RYR2: variants seen among roughly 807,000 people sequenced by gnomAD.
RYR2 encodes the protein ryanodine receptor 2.
A neutral mutation model predicts 601.1 loss-of-function variants in RYR2; 227 were observed. The ratio of observed to expected loss-of-function variants is 0.38; its 90% CI spans 0.34 to 0.42. The LOEUF (loss-of-function observed/expected upper bound fraction) is 0.42. Ranked by LOEUF, RYR2 falls within the 10% of genes least tolerant of loss-of-function variation. The pLI, the probability that RYR2 is intolerant of heterozygous loss-of-function variation, is 1.00. For missense variants in RYR2, 4,646 were observed against 6,156.5 expected (o/e 0.75, Z 8.21); for synonymous variants, 2,223 against 2,175.1 (o/e 1.02, Z -0.61).
intron 1 of RYR2, among the ~76,000 whole-genome samples, chr1:237,127,456 G>T (rs1018210848): frequency 1.3e-5 from 2 of 148,958 alleles, no homozygotes; most frequent in African/African-American, 2.5e-5. Context: ...GGCTGGCCGG[G>T]CAGGGGGCTG....
At chr1:237,553,163 A>G (rs143887162) in intron 27 of RYR2, among the ~76,000 whole-genome samples, 18 of 152,082 alleles carry the variant, frequency 1.2e-4, no homozygotes, top group African/African-American at 3.9e-4. Context: ...AAACAAAAAT[A>G]TTGTCTCTTA....
chr1:237,153,397 C>T (rs1264466077), intron 1 of RYR2, among the ~76,000 whole-genome samples: 1 of 152,104 alleles, frequency 6.6e-6, no homozygotes, highest in Non-Finnish European at 1.5e-5. Context: ...TTAACTGAAA[C>T]CTAAACTGTT....
At chr1:237,739,462 T>A (rs1691427174) in intron 79 of RYR2, among the ~76,000 whole-genome samples, 1 of 152,188 alleles carries the variant, frequency 6.6e-6, no homozygotes, top group Non-Finnish European at 1.5e-5. Context: ...TTTACCAATT[T>A]GAATAAGGTA....
chr1:237,573,727 G>A (rs1304619502), intron 29 of RYR2, among the ~76,000 whole-genome samples: 1 of 151,530 alleles, frequency 6.6e-6, no homozygotes, highest in Non-Finnish European at 1.5e-5. Flanking sequence ...CAGGAGAATT[G>A]CTTGAACCTG....
chr1:237,548,459 G>T lies in RYR2; in HGVS notation c.2935G>T (p.Ala979Ser), dbSNP rs202015519. 1.4e-4 allele frequency: 228 copies of T among 1,613,942 alleles called. 4 individuals are homozygous for T. The African/African-American group carries it at 2.4e-3, about 17-fold the overall frequency. ...CCAGCTGACAAGTGGATACAAGCCT[G>T]CCCCTATGGACCTGAGCTTTATCAA... ...NYQLTSGYKP[A>S]PMDLSFIKLT... The change falls in exon 26 of 105, where the codon GCC (alanine) becomes TCC (serine). Residue 979 changes from alanine to serine, a missense_variant. Transcript: ENST00000366574.
At position 237,727,190 on chromosome 1, in the gene RYR2, A is replaced by C; in HGVS notation, c.10829A>C (p.Asn3610Thr). 6.6e-7 allele frequency: 1 copy of C among 1,520,042 alleles called. No homozygotes were observed. 94.2% of individuals were successfully genotyped at this position (1,520,042 alleles called of 1,614,324 possible). Reference protein sequence around the residue: ...VACFRMAPLYNLPRHRAVNLF... With the variant: ...VACFRMAPLYTLPRHRAVNLF... ...TGCTTCCGGATGGCCCCCTTATATA[A>C]TCTGCCAAGGTCGGAATTACTTTAT... Residue 3610 changes from asparagine to threonine, a missense_variant, in exon 76 of 105, where the codon AAT (asparagine) becomes ACT (threonine). This residue lies in a region of RYR2 where 1,497 missense variants were observed against 1,842.6 expected (regional missense o/e 0.81). Transcript: ENST00000366574.
intron 1 of RYR2, among the ~76,000 whole-genome samples, chr1:237,135,766 T>C (rs1234575629): frequency 3.9e-5 from 6 of 152,240 alleles, no homozygotes; most frequent in Non-Finnish European, 5.9e-5. Context: ...TTGTCTTTTG[T>C]ACAGCTTTTG....
chr1:237,100,403 C>CTG (rs985988032), intron 1 of RYR2, among the ~76,000 whole-genome samples: 2 of 151,170 alleles, frequency 1.3e-5, no homozygotes, highest in Non-Finnish European at 3.0e-5. Flanking sequence ...CTCTCTCTCT[C>CTG]TCTCTCAGAG....
chr1:237,647,856 C>T (rs757825525), intron 48 of RYR2, among the ~76,000 whole-genome samples: 6 of 152,206 alleles, frequency 3.9e-5, no homozygotes, highest in Non-Finnish European at 7.3e-5. Context: ...AAGGAATTCA[C>T]TAATCTCTAT....
chr1:237,323,376 G>A (rs918475334), intron 2 of RYR2, among the ~76,000 whole-genome samples: 3 of 152,064 alleles, frequency 2.0e-5, no homozygotes, highest in African/African-American at 7.2e-5. Context: ...AAAGTTCCAG[G>A]TAATTGTATG....
intron 4 of RYR2, 79 bp from the exon 5 acceptor site, chr1:237,364,279 T>C: frequency 1.5e-6 from 2 of 1,314,944 alleles, no homozygotes; most frequent in South Asian, 2.7e-5. Context: ...GGAGTCTTTA[T>C]AAATAAGAGA....
intron 1 of RYR2, among the ~76,000 whole-genome samples, chr1:237,134,295 T>G (rs190169970): frequency 6.6e-6 from 1 of 152,222 alleles, no homozygotes; most frequent in Admixed American, 6.5e-5. Context: ...TTTTAATCAG[T>G]GTATTTGTCC....
intron 1 of RYR2, among the ~76,000 whole-genome samples, chr1:237,064,751 C>CTTTTTT (rs551797601): frequency 7.3e-5 from 8 of 109,994 alleles, no homozygotes; most frequent in African/African-American, 2.4e-4. Flanking sequence ...TAGAACCTGT[C>CTTTTTT]TTTTTTTTTT....
At position 237,708,910 on chromosome 1, in the gene RYR2, T is replaced by C. The variant is rs371965471; in HGVS notation, c.9954T>C (p.His3318=). Residue 3318 remains histidine (H), a synonymous_variant, in exon 69 of 105, where the codon CAT becomes CAC. Transcript: ENST00000366574. The part of the protein sequence containing the change: ...NKVKPQLLKT[H]FLPLMEKLKK... ...TGAAACCTCAGCTCTTGAAAACTCA[T>C]TTCTTGCCGTTAATGGAGAAACTCA... 1.2e-6 allele frequency: 2 copies of C among 1,612,562 alleles called. No homozygotes were observed. Among genetic ancestry groups the C allele is most frequent in the African/African-American group, 2.7e-5 (2 of 75,018 alleles).
At chr1:237,242,724 G>A (rs1686336936) in intron 1 of RYR2, among the ~76,000 whole-genome samples, 1 of 152,098 alleles carries the variant, frequency 6.6e-6, no homozygotes, top group Non-Finnish European at 1.5e-5. Flanking sequence ...ACAGAAAATG[G>A]CCTTCTTTCA....
chr1:237,572,934 T>C (rs547513585), intron 29 of RYR2, among the ~76,000 whole-genome samples: 1 of 152,156 alleles, frequency 6.6e-6, no homozygotes, highest in African/African-American at 2.4e-5. Context: ...GGAGCTAGCA[T>C]TGAGGTAGCT....
chr1:237,509,257 C>G (rs972672241), intron 23 of RYR2, among the ~76,000 whole-genome samples: 16 of 152,148 alleles, frequency 1.1e-4, no homozygotes. Context: ...GTATGATTTG[C>G]AGTCTGCTTC....
chr1:237,268,577 T>C (rs978804607), intron 1 of RYR2, among the ~76,000 whole-genome samples: 13 of 152,174 alleles, frequency 8.5e-5, no homozygotes, highest in Admixed American at 7.9e-4. Context: ...GTTAAAAATA[T>C]TGGGCTTTGC....
At position 237,655,773 on chromosome 1, in the gene RYR2, A is replaced by T. The variant is rs775602087; in HGVS notation, c.7966-48A>T. On this transcript the variant is annotated intron_variant, in intron 52 of 104. Coordinates refer to ENST00000366574, the MANE Select transcript of RYR2 (RefSeq NM_001035.3). The stretch of plus-strand genomic sequence containing the variant: ...GTCAGCCCTGATGATCATGCTGACA[A>T]CTTTTGCCATATAGTAATTTTTTTT... 3 of 1,528,314 alleles carry T rather than the reference A, an allele frequency of 2.0e-6. No individual in the cohort carries two copies. The South Asian group carries it at 3.8e-5, about 19-fold the overall frequency. 94.7% of individuals were successfully genotyped at this position (1,528,314 alleles called of 1,614,324 possible).
Sources: gnomAD v4.1 joint callset for allele counts (sites outside exome capture counted in the v4.1 genomes callset) on GRCh38, gnomAD v4.1.1 for gene constraint, gnomAD v4.1.1 regional missense constraint, MANE v1.5 for transcripts, NCBI Gene and HGNC (gene_info 2026-07-23, HGNC 2026-07-21) for gene names.